Variants in LRBA observed in about 807,000 individuals in gnomAD.
LRBA encodes lipopolysaccharide-responsive and beige-like anchor protein.
LRBA carries 176 observed loss-of-function variants against 330.0 expected under a neutral mutation model. The observed-to-expected ratio is 0.53, with a 90% CI of 0.47 to 0.60. The LOEUF (loss-of-function observed/expected upper bound fraction) is 0.60, where lower values mean the gene tolerates loss of function less well. Among genes scored for constraint, LRBA ranks in the 20% least tolerant of loss-of-function variants. The pLI, the probability that LRBA is intolerant of heterozygous loss-of-function variation, is 0.00. For synonymous variants in LRBA, 1,230 were observed against 1,193.0 expected (o/e 1.03, Z -0.64); for missense variants, 3,259 against 3,444.8 (o/e 0.95, Z 1.35).
intron 2 of LRBA, among the ~76,000 whole-genome samples, chr4:150,946,524 G>C (rs945318197): frequency 3.3e-5 from 5 of 152,120 alleles, no homozygotes; most frequent in African/African-American, 4.8e-5. Context: ...AATAGTTTAT[G>C]TGTCAAAAGA....
rs148537581 is a variant in LRBA, at chr4:150,583,686, C to G, written c.6330+4362G>C. 7.4e-6 allele frequency: 12 copies of G among 1,613,706 alleles called. No homozygotes were observed. The highest frequency in any genetic ancestry group is 1.0e-5 in the Non-Finnish European group (12 of 1,179,880). On this transcript the variant is annotated intron_variant, in intron 40 of 56. Coordinates refer to ENST00000651943, the MANE Select transcript of LRBA (RefSeq NM_001364905.1). This position sits in a 1 kb window ranked among gnomAD's most constrained non-coding sequence, Gnocchi z 9.8. ...TCTCGAAGGAGTGCTACTCGCTGAC[C>G]GGCAAGCAGAGCTCGGCAGAGAGCG...
intron 34 of LRBA, among the ~76,000 whole-genome samples, chr4:150,787,296 T>C (rs2126625777): frequency 6.6e-6 from 1 of 152,236 alleles, no homozygotes; most frequent in East Asian, 1.9e-4. Flanking sequence ...CAGTACTGCA[T>C]AGTTTTACAT....
chr4:150,907,076 C>G (rs533560113), intron 11 of LRBA, among the ~76,000 whole-genome samples: 1 of 149,442 alleles, frequency 6.7e-6, no homozygotes, highest in African/African-American at 2.5e-5. Flanking sequence ...TAAAGATCCC[C>G]GGAAAGGAAA....
intron 17 of LRBA, among the ~76,000 whole-genome samples, chr4:150,892,355 G>T (rs954909826): frequency 3.3e-5 from 5 of 152,184 alleles, no homozygotes; most frequent in Non-Finnish European, 5.9e-5. Context: ...CTCTAAGGAA[G>T]TAATTAAGGT....
intron 2 of LRBA, among the ~76,000 whole-genome samples, chr4:150,989,311 T>C (rs781287165): frequency 6.6e-6 from 1 of 151,940 alleles, no homozygotes; most frequent in Non-Finnish European, 1.5e-5. Context: ...CAAGTAGGTG[T>C]TTTAATATAT....
intron 47 of LRBA, 141 bp downstream of exon 47, chr4:150,415,297 T>G: frequency 3.5e-6 from 2 of 570,650 alleles, no homozygotes; most frequent in South Asian, 3.3e-5. Context: ...CAAGGATTCT[T>G]GAGCTATTAT....
intron 2 of LRBA, among the ~76,000 whole-genome samples, chr4:150,955,718 C>T (rs1388294790): frequency 6.7e-6 from 1 of 148,396 alleles, no homozygotes; most frequent in Non-Finnish European, 1.5e-5. Flanking sequence ...ATGGTGAAAC[C>T]CCATCTCTAC....
At chr4:150,999,830 G>A (rs114643237) in intron 2 of LRBA, among the ~76,000 whole-genome samples, 1 of 152,144 alleles carries the variant, frequency 6.6e-6, no homozygotes, top group East Asian at 1.9e-4. Flanking sequence ...ACTCTTCTAG[G>A]GGCTAGGGAT....
At position 150,998,035 on chromosome 4, in the gene LRBA, C is replaced by G. The variant is rs1025259922; in HGVS notation, c.216+16392G>C. 2.0e-5 allele frequency among the ~76,000 whole-genome samples: 3 copies of G among 151,886 alleles called. No homozygotes were observed. In the East Asian group the frequency reaches 5.8e-4, roughly 29 times the overall value. On this transcript the variant is annotated intron_variant, in intron 2 of 56. Coordinates refer to ENST00000651943, the MANE Select transcript of LRBA (RefSeq NM_001364905.1). ...TCTATAATTGTAAAAGCTATGAAAA[C>G]TCTTTTTTTTTTCTTTTTTAAGAGA...
intron 11 of LRBA, among the ~76,000 whole-genome samples, chr4:150,906,944 T>G (rs542195999): frequency 1.3e-5 from 2 of 151,992 alleles, no homozygotes; most frequent in East Asian, 3.9e-4. Context: ...CTTGAGCTCC[T>G]TGAACACTAA....
At chr4:150,983,791 A>T (rs2149609900) in intron 2 of LRBA, among the ~76,000 whole-genome samples, 1 of 152,108 alleles carries the variant, frequency 6.6e-6, no homozygotes, top group South Asian at 2.1e-4. Context: ...AAAAAACTAC[A>T]ATGGCTGATA....
intron 42 of LRBA, among the ~76,000 whole-genome samples, chr4:150,477,289 T>C (rs1756820649): frequency 6.6e-6 from 1 of 152,144 alleles, no homozygotes; most frequent in Admixed American, 6.6e-5. Context: ...AATTGTGTAT[T>C]AGTCCACTCT....
intron 37 of LRBA, among the ~76,000 whole-genome samples, chr4:150,656,927 A>G (rs1243375876): frequency 4.6e-5 from 7 of 152,246 alleles, no homozygotes; most frequent in Non-Finnish European, 7.3e-5. Context: ...TAATTTGATT[A>G]GACTAGGTTA....
At chr4:150,941,078 G>A (rs188286494) in intron 2 of LRBA, among the ~76,000 whole-genome samples, 1 of 151,972 alleles carries the variant, frequency 6.6e-6, no homozygotes, top group African/African-American at 2.4e-5. Flanking sequence ...AGAGACTCTC[G>A]TGCAGCCTGT....
intron 47 of LRBA, among the ~76,000 whole-genome samples, chr4:150,358,204 T>C (rs1254412528): frequency 6.6e-6 from 1 of 152,200 alleles, no homozygotes; most frequent in African/African-American, 2.4e-5. Context: ...TGGTAGGTTC[T>C]AGATTGTGCT....
Position 150,435,779 on chromosome 4 carries a change from G to C in LRBA, c.6922-71C>G, listed in dbSNP as rs537364393. Reference sequence around the variant, plus strand: ...AAAATGTGGTTTTTATAAATTCTTAGAACTAAATACTTTAATGACTAATAG... The same window carrying C: ...AAAATGTGGTTTTTATAAATTCTTACAACTAAATACTTTAATGACTAATAG... On this transcript the variant is annotated intron_variant, in intron 45 of 56. Transcript: ENST00000651943. 6.1e-4 allele frequency: 762 copies of C among 1,258,390 alleles called. 1 individual carries two copies. The highest frequency in any genetic ancestry group is 6.8e-4 in the Non-Finnish European group (609 of 900,548). The allele number at this position is 1,258,390 out of a possible 1,614,324, so 78.0% of individuals were successfully genotyped here. A position where few individuals can be genotyped will look rare whatever the true frequency, so the allele number is the denominator to read the frequency against.
At position 150,851,905 on chromosome 4, in the gene LRBA, G is replaced by A. The variant is rs555169864; in HGVS notation, c.3805C>T (p.Pro1269Ser). Residue 1269 changes from proline (P) to serine (S), a missense_variant, in exon 23 of 57, where the codon CCT becomes TCT. Pro to Ser is a moderately conservative substitution (Grantham distance 74, BLOSUM62 -1). Coordinates refer to ENST00000651943, the MANE Select transcript of LRBA (RefSeq NM_001364905.1). Reference protein sequence around the residue: ...KASPNVEAPQPHRHVLEISRQ... With the variant: ...KASPNVEAPQSHRHVLEISRQ... ...ATCACCTCAAGCACATGTCGATGAG[G>A]TTGAGGTGCTTCCACGTTGGGACTG... 18 of 1,613,316 alleles carry A rather than the reference G, an allele frequency of 1.1e-5. No homozygotes were observed. Among genetic ancestry groups the A allele is most frequent in the East Asian group, 2.2e-5 (1 of 44,864 alleles).
chr4:150,598,199 A>C (rs1336138925), intron 38 of LRBA, among the ~76,000 whole-genome samples: 2 of 152,162 alleles, frequency 1.3e-5, no homozygotes, highest in Non-Finnish European at 2.9e-5. Context: ...TTTATTAAAA[A>C]CCAATTTATA....
At chr4:150,312,983 A>C (rs2126889113) in intron 51 of LRBA, among the ~76,000 whole-genome samples, 1 of 151,920 alleles carries the variant, frequency 6.6e-6, no homozygotes, top group African/African-American at 2.4e-5. Context: ...TAATATAATT[A>C]AATAAATACA....
Sources: gnomAD v4.1 joint callset for allele counts (sites outside exome capture counted in the v4.1 genomes callset) on GRCh38, gnomAD v4.1.1 for gene constraint, Gnocchi (gnomAD v3.1) non-coding constraint, MANE v1.5 for transcripts, NCBI Gene and HGNC (gene_info 2026-07-23, HGNC 2026-07-21) for gene names.